SYNPO: variants seen among roughly 807,000 people sequenced by gnomAD.
SYNPO encodes synaptopodin.
SYNPO carries 19 observed loss-of-function variants against 49.5 expected under a neutral mutation model. The ratio of observed to expected loss-of-function variants is 0.38; its 90% CI spans 0.27 to 0.56. SYNPO has a LOEUF of 0.56. Among genes scored for constraint, SYNPO ranks in the 20% least tolerant of loss-of-function variants. The probability of loss-of-function intolerance (pLI) is 0.68; values close to 1 mark genes in which losing one functional copy is unlikely to be tolerated. For synonymous variants in SYNPO, 536 were observed against 548.0 expected (o/e 0.98, Z 0.31); for missense variants, 1,131 against 1,248.3 (o/e 0.91, Z 1.42).
At chr5:150,643,757 A>C (rs1056699861) in intron 1 of SYNPO, among the ~76,000 whole-genome samples, 1 of 151,766 alleles carries the variant, frequency 6.6e-6, no homozygotes, top group African/African-American at 2.4e-5. Flanking sequence ...CTGGTCTCGA[A>C]CTCCTGACCT....
intron 2 of SYNPO, among the ~76,000 whole-genome samples, chr5:150,629,207 C>T (rs1440739372): frequency 2.6e-5 from 4 of 151,990 alleles, no homozygotes; most frequent in African/African-American, 9.7e-5. Flanking sequence ...GAGACAGTGT[C>T]TCGCTATGTT....
At chr5:150,621,580 GC>G (rs1348967870) in intron 2 of SYNPO, among the ~76,000 whole-genome samples, 3 of 152,144 alleles carry the variant, frequency 2.0e-5, no homozygotes, top group Non-Finnish European at 4.4e-5. Flanking sequence ...TGCCATTACC[GC>G]CGAAGGATTA....
rs1348511193 is a variant in SYNPO, at chr5:150,656,783, G to T, written c.2408G>T (p.Arg803Leu). 2 of 1,237,870 alleles carry T rather than the reference G, an allele frequency of 1.6e-6. No homozygotes were observed. Among genetic ancestry groups the T allele is most frequent in the Admixed American group, 4.3e-5 (1 of 23,040 alleles). 76.7% of individuals were successfully genotyped at this position (1,237,870 alleles called of 1,614,324 possible). ...PPPPPPPPRMRSPQPARPGSA... is the reference protein window; with the variant it reads ...PPPPPPPPRMLSPQPARPGSA... ...CCCCCGCCCCCGCCCCCGCGCATGC[G>T]CTCGCCACAGCCCGCCCGCCCCGGC... The change falls in exon 3 of 3, where the codon CGC (arginine) becomes CTC (leucine). Residue 803 changes from arginine (R) to leucine (L), a missense_variant. Transcript: ENST00000307662.
chr5:150,625,601 C>A (rs1757329616), intron 2 of SYNPO, among the ~76,000 whole-genome samples: 1 of 152,196 alleles, frequency 6.6e-6, no homozygotes, highest in Admixed American at 6.5e-5. Flanking sequence ...GCCCTCCTTG[C>A]CAAGGTGAGA....
chr5:150,618,530 C>G lies in SYNPO; in HGVS notation c.163C>G (p.Leu55Val), dbSNP rs376427576. The G allele has an allele frequency of 2.0e-5, 31 of 1,550,856 alleles. No homozygotes were observed. In the African/African-American group the frequency reaches 3.7e-4, roughly 18 times the overall value. The change falls in exon 2 of 3, where the codon CTG (leucine) becomes GTG (valine). Residue 55 changes from leucine to valine, a missense_variant. Physicochemically the swap from Leu to Val is conservative, Grantham distance 32 (BLOSUM62 1). Coordinates refer to the SYNPO transcript ENST00000394243. The stretch of plus-strand genomic sequence containing the variant: ...GCAGGGAGAGGTGGGGCCTACCGAC[C>G]TGGAAGAGGATGAGGGGGTCAGCAG...
At chr5:150,607,262 G>A (rs1215271314) in intron 1 of SYNPO, among the ~76,000 whole-genome samples, 3 of 151,478 alleles carry the variant, frequency 2.0e-5, no homozygotes, top group Non-Finnish European at 4.4e-5. Flanking sequence ...CATAGCTGTC[G>A]AAAGAAAAAA....
At chr5:150,618,694 T>A in exon 2 of SYNPO, 2 of 1,549,928 alleles carry the variant, frequency 1.3e-6, no homozygotes, top group Non-Finnish European at 1.7e-6. Context: ...AGGACTGGGA[T>A]GTAGTGAAGG....
intron 1 of SYNPO, among the ~76,000 whole-genome samples, chr5:150,611,578 C>T (rs1349499936): frequency 6.6e-6 from 1 of 152,206 alleles, no homozygotes; most frequent in African/African-American, 2.4e-5. Context: ...GCCCATCCAA[C>T]ACTGGTCCCT....
rs779272504 is a variant in SYNPO, at chr5:150,648,152, G to C, written c.-124G>C. 6.4e-7 allele frequency: 1 copy of C among 1,554,740 alleles called. No homozygotes were observed. The highest frequency in any genetic ancestry group is 1.4e-5 in the African/African-American group (1 of 73,180). Reference sequence around the variant, plus strand: ...AGCCCAGCCAGGAGTCCCTCAGAGTGCTCCCTTCAAGCCTCCCAGGCCATG... The same window carrying C: ...AGCCCAGCCAGGAGTCCCTCAGAGTCCTCCCTTCAAGCCTCCCAGGCCATG... On this transcript the variant is annotated 5_prime_UTR_variant, in exon 2 of 3. Coordinates refer to ENST00000307662, the MANE Select transcript of SYNPO (RefSeq NM_007286.6). The surrounding 1 kb of genome is among the most constrained non-coding windows in gnomAD (Gnocchi z 5.0).
At position 150,649,901 on chromosome 5, in the gene SYNPO, C is replaced by T. The variant is rs1758293587; in HGVS notation, c.1626C>T (p.Ala542=). 1 of 1,611,148 alleles carries T rather than the reference C, an allele frequency of 6.2e-7. No individual in the cohort carries two copies. The highest frequency in any genetic ancestry group is 1.1e-5 in the South Asian group (1 of 91,086). Residue 542 remains alanine (A), a synonymous_variant, in exon 2 of 3, where the codon GCC becomes GCT. Coordinates refer to ENST00000307662, the MANE Select transcript of SYNPO (RefSeq NM_007286.6). ...ASRSPARTPP[A]SLYHGYLPEN... ...GAAGCCCAGCCCGGACCCCGCCTGC[C>T]TCCCTCTACCATGGCTACCTGCCTG...
intron 1 of SYNPO, among the ~76,000 whole-genome samples, chr5:150,612,687 G>A (rs900819579): frequency 6.6e-6 from 1 of 152,230 alleles, no homozygotes; most frequent in Non-Finnish European, 1.5e-5. Context: ...ATGAGCTGCT[G>A]CAAATGAAGT....
intron 1 of SYNPO, 33 bp from the exon 2 acceptor site, chr5:150,647,911 G>A: frequency 6.5e-7 from 1 of 1,537,334 alleles, no homozygotes; most frequent in East Asian, 2.5e-5. Flanking sequence ...CTGCATTCCT[G>A]TTTGCTAACT....
intron 2 of SYNPO, among the ~76,000 whole-genome samples, chr5:150,656,143 C>T (rs533296297): frequency 6.6e-6 from 1 of 152,290 alleles, no homozygotes; most frequent in East Asian, 1.9e-4. Context: ...AGTAACTTGC[C>T]CAAGCTCAGT....
At chr5:150,656,364 A>T (rs1758549461) in intron 2 of SYNPO, 40 bp from the exon 3 acceptor site, 1 of 1,463,932 alleles carries the variant, frequency 6.8e-7, no homozygotes, top group African/African-American at 1.4e-5. Context: ...GGAAGACCTC[A>T]GCACTAATGC....
At chr5:150,610,302 G>A (rs1373539109) in intron 1 of SYNPO, among the ~76,000 whole-genome samples, 1 of 152,212 alleles carries the variant, frequency 6.6e-6, no homozygotes, top group African/African-American at 2.4e-5. Flanking sequence ...CAGAGCCAGA[G>A]CCAGAACAAA....
intron 2 of SYNPO, among the ~76,000 whole-genome samples, chr5:150,655,056 C>A (rs1276513616): frequency 2.6e-5 from 4 of 152,198 alleles, no homozygotes; most frequent in African/African-American, 9.6e-5. Flanking sequence ...ACCCAGGAGG[C>A]AGAAGTTGCG....
In SYNPO at chr5:150,656,525, G is replaced by C. The variant is rs200542435; in HGVS notation, c.2150G>C (p.Ser717Thr). Reference sequence around the variant, plus strand: ...GAGCCAGGTCGCGGGAGCAGCATGAGCAGCCCCCCGCCGCTGCCGCCGCCA... The same window carrying C: ...GAGCCAGGTCGCGGGAGCAGCATGACCAGCCCCCCGCCGCTGCCGCCGCCA... Reference protein sequence around the residue: ...PWEPGRGSSMSSPPPLPPPPP... With the variant: ...PWEPGRGSSMTSPPPLPPPPP... The change falls in exon 3 of 3, where the codon AGC becomes ACC. Residue 717 changes from serine to threonine, a missense_variant. Around this residue, in one of 4 missense-constraint regions of SYNPO, gnomAD observed 509 missense variants for 484.5 expected, o/e 1.05. Transcript: ENST00000307662. The C allele has an allele frequency of 2.6e-6, 4 of 1,529,190 alleles. No individual in the cohort carries two copies. In the East Asian group the frequency reaches 9.9e-5, roughly 38 times the overall value. 94.7% of individuals were successfully genotyped at this position (1,529,190 alleles called of 1,614,324 possible).
At chr5:150,633,852 T>C (rs925778596) in intron 2 of SYNPO, among the ~76,000 whole-genome samples, 2 of 152,210 alleles carry the variant, frequency 1.3e-5, no homozygotes, top group African/African-American at 4.8e-5. Flanking sequence ...CTGTGTGCGG[T>C]GGCTCATTCC....
chr5:150,603,508 A>G (rs1047502540), intron 1 of SYNPO, among the ~76,000 whole-genome samples: 4 of 152,248 alleles, frequency 2.6e-5, no homozygotes, highest in African/African-American at 9.6e-5. Context: ...TTGTGACCAC[A>G]GTTGCTTATA....
Sources: allele counts gnomAD v4.1 joint callset (sites outside exome capture counted in the v4.1 genomes callset), GRCh38; gene constraint gnomAD v4.1.1; regional missense constraint gnomAD v4.1.1; non-coding constraint Gnocchi (gnomAD v3.1); transcripts MANE v1.5; gene names NCBI Gene and HGNC (gene_info 2026-07-23, HGNC 2026-07-21).